DNAH5: variants seen among roughly 807,000 people sequenced by gnomAD.
DNAH5 encodes the protein axonemal beta dynein heavy chain 5.
In DNAH5, 372 loss-of-function variants were observed where a neutral mutation model predicts 518.2. That is an observed-to-expected ratio of 0.72 (90% CI 0.66 to 0.78). DNAH5 has a LOEUF of 0.78. DNAH5 is among the 30% of genes least tolerant of loss of function. The pLI, the probability that DNAH5 is intolerant of heterozygous loss-of-function variation, is 0.00. For missense variants in DNAH5, 5,523 were observed against 5,687.0 expected, an observed-to-expected ratio of 0.97 and a Z score of 0.93; for synonymous variants, 2,039 against 2,025.9, an observed-to-expected ratio of 1.01 and a Z score of -0.17.
intron 7 of DNAH5, among the ~76,000 whole-genome samples, chr5:13,918,772 G>C (rs1212239798): frequency 6.6e-6 from 1 of 152,116 alleles, no homozygotes; most frequent in African/African-American, 2.4e-5. Context: ...CTGGCCTATT[G>C]ACTGTTTTAA....
intron 3 of DNAH5, among the ~76,000 whole-genome samples, chr5:13,924,795 A>G (rs1223643260): frequency 2.0e-5 from 3 of 152,214 alleles, no homozygotes; most frequent in Non-Finnish European, 4.4e-5. Context: ...AAGCATTATT[A>G]TTATCAGTAC....
chr5:13,981,649 G>A (rs547489608), intron 1 of DNAH5, among the ~76,000 whole-genome samples: 1 of 152,350 alleles, frequency 6.6e-6, no homozygotes, highest in Admixed American at 6.5e-5. Flanking sequence ...CTAAGAGGGA[G>A]GGTCCATCCA....
intron 47 of DNAH5, among the ~76,000 whole-genome samples, chr5:13,797,247 T>C (rs1031170175): frequency 2.0e-5 from 3 of 152,070 alleles, no homozygotes; most frequent in Admixed American, 6.6e-5. Context: ...AAGAAACTAC[T>C]ATCAGAGTGA....
chr5:13,839,314 G>A, intron 35 of DNAH5, 42 bp downstream of exon 35: 1 of 1,596,394 alleles, frequency 6.3e-7, no homozygotes, highest in Admixed American at 1.7e-5. Context: ...AGCAACTCGA[G>A]AGAATAAAAA....
intron 46 of DNAH5, 125 bp from the exon 47 acceptor site, chr5:13,807,850 G>A (rs1759878944): frequency 1.2e-6 from 1 of 845,220 alleles, no homozygotes; most frequent in Admixed American, 2.4e-5. Flanking sequence ...ATTCTATTTG[G>A]AGATAAGGTC....
At chr5:13,866,516 A>T (rs1472614843) in intron 25 of DNAH5, among the ~76,000 whole-genome samples, 1 of 152,236 alleles carries the variant, frequency 6.6e-6, no homozygotes, top group Non-Finnish European at 1.5e-5. Context: ...AAGATTAAAA[A>T]TATGTATTAT....
chr5:13,930,072 A>C (rs1197745804), intron 2 of DNAH5, among the ~76,000 whole-genome samples: 2 of 152,208 alleles, frequency 1.3e-5, no homozygotes, highest in African/African-American at 4.8e-5. Flanking sequence ...AAGGAGAAAG[A>C]GGAGAAGCAC....
chr5:13,943,029 C>A (rs1341988093), intron 1 of DNAH5, among the ~76,000 whole-genome samples: 1 of 152,008 alleles, frequency 6.6e-6, no homozygotes, highest in Non-Finnish European at 1.5e-5. Flanking sequence ...TGGAGTGAAC[C>A]AAACCAGCAT....
intron 9 of DNAH5, among the ~76,000 whole-genome samples, chr5:13,915,499 C>T (rs1466059355): frequency 1.3e-5 from 2 of 152,024 alleles, no homozygotes; most frequent in Non-Finnish European, 2.9e-5. Context: ...CCAGGGAATA[C>T]TCTCGCAACC....
At chr5:13,999,730 T>C (rs1379072261) in intron 1 of DNAH5, among the ~76,000 whole-genome samples, 5 of 152,204 alleles carry the variant, frequency 3.3e-5, no homozygotes. Context: ...GCCTGGATCA[T>C]CTGGTAGTGG....
chr5:13,885,312 G>A, intron 18 of DNAH5, 84 bp from the exon 19 acceptor site: 3 of 1,475,128 alleles, frequency 2.0e-6, no homozygotes, highest in East Asian at 2.3e-5. Flanking sequence ...CAGATAGATA[G>A]AATCATCTGT....
chr5:13,729,615 C>T, intron 68 of DNAH5, 55 bp from the exon 69 acceptor site: 2 of 1,454,868 alleles, frequency 1.4e-6, no homozygotes, highest in Non-Finnish European at 1.9e-6. Flanking sequence ...ATAAAACAAT[C>T]TATTTAGTAA....
At chr5:13,896,565 T>TC (rs2151955954) in intron 15 of DNAH5, 1 of 152,360 alleles carries the variant, frequency 6.6e-6, no homozygotes, top group Non-Finnish European at 1.5e-5. Flanking sequence ...CTTACAGTGT[T>TC]CATTTTCTGT....
chr5:13,848,002 T>C (rs1035526759), intron 31 of DNAH5, among the ~76,000 whole-genome samples: 14 of 152,230 alleles, frequency 9.2e-5, no homozygotes, highest in African/African-American at 3.4e-4. Context: ...CTCTCTGACC[T>C]GATCCTGGTG....
At chr5:13,949,779 ACTGT>A (rs780283969) in intron 1 of DNAH5, among the ~76,000 whole-genome samples, 15 of 152,222 alleles carry the variant, frequency 9.9e-5, no homozygotes, top group Non-Finnish European at 1.8e-4. Context: ...TAAAGAAAAG[ACTGT>A]CTAAGAAGTA....
At chr5:13,787,508 G>A (rs1442711651) in intron 51 of DNAH5, among the ~76,000 whole-genome samples, 1 of 152,120 alleles carries the variant, frequency 6.6e-6, no homozygotes, top group Non-Finnish European at 1.5e-5. Flanking sequence ...AATTCCAGTA[G>A]TCACAATTCT....
chr5:13,762,386 CT>C (rs1751903630), intron 60 of DNAH5, among the ~76,000 whole-genome samples: 1 of 149,460 alleles, frequency 6.7e-6, no homozygotes, highest in Non-Finnish European at 1.5e-5. Context: ...GCAGAGGATT[CT>C]GTGCTACAGT....
chr5:13,892,477 T>C (rs1412393159), intron 16 of DNAH5, among the ~76,000 whole-genome samples: 1 of 152,224 alleles, frequency 6.6e-6, no homozygotes, highest in Non-Finnish European at 1.5e-5. Flanking sequence ...CTAATCCAAT[T>C]AAAATCCAGC....
At chr5:14,011,673 G>A (rs1255533938) in exon 1 of DNAH5, among the ~76,000 whole-genome samples, 1 of 152,098 alleles carries the variant, frequency 6.6e-6, no homozygotes, top group Admixed American at 6.5e-5. Flanking sequence ...GCTGTGCTGC[G>A]GCGCTCCGCT....
Sources: allele counts gnomAD v4.1 joint callset (sites outside exome capture counted in the v4.1 genomes callset), GRCh38; gene constraint gnomAD v4.1.1; transcripts MANE v1.5; gene names NCBI Gene and HGNC (gene_info 2026-07-23, HGNC 2026-07-21).